Variants in TNFSF14 observed in about 807,000 individuals in gnomAD.
TNFSF14 encodes TNF superfamily member 14.
In TNFSF14, 15 loss-of-function variants were observed where a neutral mutation model predicts 22.7. That is an observed-to-expected ratio of 0.66 (90% CI 0.44 to 1.02). The LOEUF is 1.02. Among genes scored for constraint, TNFSF14 ranks in the 50% least tolerant of loss-of-function variants. The pLI is 0.00. For synonymous variants in TNFSF14, 133 were observed against 139.6 expected (o/e 0.95, Z 0.33); for missense variants, 287 against 326.2 (o/e 0.88, Z 0.93).
intron 1 of TNFSF14, among the ~76,000 whole-genome samples, chr19:6,668,063 T>TAATA (rs1917481344): frequency 6.6e-6 from 1 of 151,784 alleles, no homozygotes; most frequent in African/African-American, 2.4e-5. Context: ...TAAAAGGGTT[T>TAATA]AATAAATAAA....
rs772753769 is a variant in TNFSF14 at position 6,664,982 on chromosome 19, G to A, written c.667C>T (p.Arg223Cys). 7 of 1,612,442 alleles carry A rather than the reference G, an allele frequency of 4.3e-6. No homozygotes were observed. In the Admixed American group the frequency reaches 6.7e-5, roughly 15 times the overall value. ...GTACCATCACGCAGTCGAACCAGGC[G>A]TTCATCCAGCACACGGACGACCACC... is the stretch of plus-strand genomic sequence containing the variant. ...EKVVVRVLDE[R>C]LVRLRDGTRS... The change falls in exon 4 of 4, where the codon CGC becomes TGC. Residue 223 changes from arginine to cysteine, a missense_variant. Coordinates refer to ENST00000675206, the MANE Select transcript of TNFSF14 (RefSeq NM_001376887.1). The surrounding 1 kb of genome is among the most constrained non-coding windows in gnomAD (Gnocchi z 4.7).
Position 6,661,701 on chromosome 19 carries a change from T to C in TNFSF14, c.*3225A>G, listed in dbSNP as rs1300924235. On this transcript the variant is annotated 3_prime_UTR_variant, in exon 4 of 4. Transcript: ENST00000675206. ...TCAGCTAAGGGAGAGTCAATCACGT[T>C]AAACACAAGGTAGGGTATCACATTG... is the stretch of plus-strand genomic sequence containing the variant. 6.6e-6 allele frequency: 1 copy of C among 152,150 alleles called. No individual in the cohort carries two copies. The highest frequency in any genetic ancestry group is 1.5e-5 in the Non-Finnish European group (1 of 68,036). 9.4% of individuals were successfully genotyped at this position (152,150 alleles called of 1,614,324 possible). A position where few individuals can be genotyped will look rare whatever the true frequency, so the allele number is the denominator to read the frequency against.
In TNFSF14 at chr19:6,669,972, C is replaced by T; in HGVS notation, c.98G>A (p.Cys33Tyr). 6.2e-7 allele frequency: 1 copy of T among 1,614,146 alleles called. No individual in the cohort carries two copies. The highest frequency in any genetic ancestry group is 1.6e-4 in the Middle Eastern group (1 of 6,062). The change falls in exon 1 of 4, where the codon TGC (cysteine) becomes TAC (tyrosine). Residue 33 changes from cysteine to tyrosine, a missense_variant. Physicochemically the swap from Cys to Tyr is radical, Grantham distance 194 (BLOSUM62 -2). Transcript: ENST00000675206. Reference sequence around the variant, plus strand: ...ACCCAGACCCACCCGGGCCACACTGCACGACTGTCTCCGGTGGCTTCGTCC... The same window carrying T: ...ACCCAGACCCACCCGGGCCACACTGTACGACTGTCTCCGGTGGCTTCGTCC... ...RLGRSHRRQS[C>Y]SVARVGLGLL...
At position 6,663,357 on chromosome 19, in the gene TNFSF14, TGTG is replaced by T. The variant is rs879421428; in HGVS notation, c.*1566_*1568del. ...GTGTGTGTAATGTTGTGTTTGTCAT[TGTG>T]ATGTGTGTGTAATGTGTGTTTGTCA... On this transcript the variant is annotated 3_prime_UTR_variant, in exon 4 of 4. Coordinates refer to ENST00000675206, the MANE Select transcript of TNFSF14 (RefSeq NM_001376887.1). 3 of 151,506 alleles carry T rather than the reference TGTG, an allele frequency of 2.0e-5. No homozygotes were observed. The highest frequency in any genetic ancestry group is 4.4e-5 in the Non-Finnish European group (3 of 67,946). The allele number at this position is 151,506 out of a possible 1,614,324, so 9.4% of individuals were successfully genotyped here.
chr19:6,662,411 G>C lies in TNFSF14; in HGVS notation c.*2515C>G, dbSNP rs1917269935. On this transcript the variant is annotated 3_prime_UTR_variant, in exon 4 of 4. Coordinates refer to ENST00000675206, the MANE Select transcript of TNFSF14 (RefSeq NM_001376887.1). ...CCCCCACAACCATCTTGCCGATGGG[G>C]AAACTGAAGCATTGAGAGGTGATGG... 1 of 152,320 alleles carries C rather than the reference G, an allele frequency of 6.6e-6. No homozygotes were observed. The highest frequency in any genetic ancestry group is 2.4e-5 in the African/African-American group (1 of 41,440). The allele number at this position is 152,320 out of a possible 1,614,324, so 9.4% of individuals were successfully genotyped here. A position where few individuals can be genotyped will look rare whatever the true frequency, so the allele number is the denominator to read the frequency against.
intron 1 of TNFSF14, 148 bp downstream of exon 1, chr19:6,669,703 G>T: frequency 7.7e-7 from 1 of 1,291,178 alleles, no homozygotes; most frequent in Non-Finnish European, 1.0e-6. Context: ...GCAGCAACCA[G>T]TCAAGCCAGC....
At chr19:6,666,823 G>A (rs1421663832) in intron 3 of TNFSF14, among the ~76,000 whole-genome samples, 3 of 151,964 alleles carry the variant, frequency 2.0e-5, no homozygotes, top group Admixed American at 6.6e-5. Context: ...GCTTGAACCC[G>A]GGAGGCGAAG....
intron 2 of TNFSF14, 78 bp downstream of exon 2, chr19:6,667,335 A>G: frequency 6.7e-7 from 1 of 1,483,528 alleles, no homozygotes; most frequent in South Asian, 1.4e-5. Context: ...TGCAAATCAT[A>G]TTGGGCAATT....
chr19:6,669,213 G>A (rs975728233), intron 1 of TNFSF14, among the ~76,000 whole-genome samples: 2 of 152,214 alleles, frequency 1.3e-5, no homozygotes, highest in African/African-American at 4.8e-5. Context: ...GCCAGGCGCA[G>A]TGGCTCACAC....
rs573437098 is a variant in TNFSF14, at chr19:6,669,515, G to A, written c.219+336C>T. The stretch of plus-strand genomic sequence containing the variant: ...AAAAAAGTACAGAGAAAATGCATGC[G>A]TGTGTGCACAGGGGTGTGCATGGCA... On this transcript the variant is annotated intron_variant, in intron 1 of 3. Coordinates refer to ENST00000675206, the MANE Select transcript of TNFSF14 (RefSeq NM_001376887.1). Among the ~76,000 whole-genome samples the A allele has an allele frequency of 1.2e-4, 19 of 152,156 alleles. No individual in the cohort carries two copies. The South Asian group carries it at 3.5e-3, about 28-fold the overall frequency.
chr19:6,669,808 C>A, intron 1 of TNFSF14, 43 bp downstream of exon 1: 2 of 1,599,632 alleles, frequency 1.3e-6, no homozygotes, highest in Non-Finnish European at 8.5e-7. Context: ...ACAGGGGAGC[C>A]CCCCTCACCT....
chr19:6,667,360 G>T (rs1293601387), intron 2 of TNFSF14, 53 bp downstream of exon 2: 2 of 1,506,198 alleles, frequency 1.3e-6, no homozygotes, highest in Non-Finnish European at 1.8e-6. Context: ...GAGGGGTGGG[G>T]GTGGCATGGG....
In TNFSF14 at chr19:6,663,397, T is replaced by C. The variant is rs1917302570; in HGVS notation, c.*1529A>G. The C allele has an allele frequency of 6.6e-6, 1 of 152,102 alleles. No homozygotes were observed. Among genetic ancestry groups the C allele is most frequent in the African/African-American group, 2.4e-5 (1 of 41,272 alleles). The allele number at this position is 152,102 out of a possible 1,614,324, so 9.4% of individuals were successfully genotyped here. ...ATGTGTGTTTGTCATCGTGATGTTG[T>C]GTGTGTAATGTGTGTTTGTCATCGT... On this transcript the variant is annotated 3_prime_UTR_variant, in exon 4 of 4. Transcript: ENST00000675206.
chr19:6,670,092 C>T lies in TNFSF14; in HGVS notation c.-23G>A. On this transcript the variant is annotated 5_prime_UTR_variant, in exon 1 of 4. Coordinates refer to ENST00000675206, the MANE Select transcript of TNFSF14 (RefSeq NM_001376887.1). ...CATGCCCAAGGTGTCTGGAGCAGGG[C>T]TGACACGCCTGGGTCCTTCAACCTC... The T allele has an allele frequency of 6.2e-7, 1 of 1,609,696 alleles. No homozygotes were observed. Among genetic ancestry groups the T allele is most frequent in the Non-Finnish European group, 8.5e-7 (1 of 1,176,276 alleles).
rs753839277 is a variant in TNFSF14, at chr19:6,667,198, T to TA, written c.257-45dup. On this transcript the variant is annotated intron_variant, in intron 2 of 3. Coordinates refer to ENST00000675206, the MANE Select transcript of TNFSF14 (RefSeq NM_001376887.1). ...AGGTTAGAGACGAAGACAGTGGAGG[T>TA]AAAAAGCCAGCCTCCTAAAGGGCCA... 20 of 1,518,988 alleles carry TA rather than the reference T, an allele frequency of 1.3e-5. No homozygotes were observed. In the South Asian group the frequency reaches 2.4e-4, roughly 18 times the overall value. 94.1% of individuals were successfully genotyped at this position (1,518,988 alleles called of 1,614,324 possible). A position where few individuals can be genotyped will look rare whatever the true frequency, so the allele number is the denominator to read the frequency against.
chr19:6,670,341 TG>T, upstream of TNFSF14: 1 of 1,203,006 alleles, frequency 8.3e-7, no homozygotes, highest in Non-Finnish European at 1.1e-6. Flanking sequence ...GCAAGTGCAG[TG>T]GGGAGCCCCC....
At position 6,664,783 on chromosome 19, in the gene TNFSF14, G is replaced by C. The variant is rs1917353380; in HGVS notation, c.*143C>G. The stretch of plus-strand genomic sequence containing the variant: ...TCGAACTCCTGACCTCAGGTGATCC[G>C]CCTGCCTTGGCCTCCCAAAGTGCTG... On this transcript the variant is annotated 3_prime_UTR_variant, in exon 4 of 4. Coordinates refer to ENST00000675206, the MANE Select transcript of TNFSF14 (RefSeq NM_001376887.1). This position sits in a 1 kb window ranked among gnomAD's most constrained non-coding sequence, Gnocchi z 4.7. 5 of 1,032,928 alleles carry C rather than the reference G, an allele frequency of 4.8e-6. No individual in the cohort carries two copies. The South Asian group carries it at 5.3e-5, about 11-fold the overall frequency. 64.0% of individuals were successfully genotyped at this position (1,032,928 alleles called of 1,614,324 possible).
At chr19:6,670,391 C>A, upstream of TNFSF14, 1 of 710,202 alleles carries the variant, frequency 1.4e-6, no homozygotes, top group Admixed American at 4.1e-5. Flanking sequence ...CTTGGGGCCA[C>A]CAAATATCGA....
At position 6,669,857 on chromosome 19, in the gene TNFSF14, G is replaced by T; in HGVS notation, c.213C>A (p.Arg71=). 1 of 1,611,826 alleles carries T rather than the reference G, an allele frequency of 6.2e-7. No individual in the cohort carries two copies. ...LHWRLGEMVT[R]LPDGPAGSWE... is the part of the protein sequence containing the mutation. ...GCCCCCCGGTCCCACTCACAGGCAG[G>T]CGGGTGACCATCTCTCCTAGACGCC... The change falls in exon 1 of 4, where the codon CGC becomes CGA. Residue 71 remains arginine, a synonymous_variant. Transcript: ENST00000675206.
Sources: allele counts gnomAD v4.1 joint callset (sites outside exome capture counted in the v4.1 genomes callset), GRCh38; gene constraint gnomAD v4.1.1; non-coding constraint Gnocchi (gnomAD v3.1); transcripts MANE v1.5; gene names NCBI Gene and HGNC (gene_info 2026-07-23, HGNC 2026-07-21).